NEK10: variants seen among roughly 807,000 people sequenced by gnomAD.
NEK10 encodes NIMA related kinase 10.
In NEK10, 122 loss-of-function variants were observed where a neutral mutation model predicts 159.8. That is an observed-to-expected ratio of 0.76 (90% CI 0.66 to 0.89). NEK10 has a LOEUF of 0.89. Ranked by LOEUF, NEK10 falls within the 40% of genes least tolerant of loss-of-function variation. NEK10 has a pLI of 0.00. For synonymous variants in NEK10, 466 were observed against 457.1 expected (o/e 1.02, Z -0.25); for missense variants, 1,342 against 1,323.1 (o/e 1.01, Z -0.22).
intron 30 of NEK10, among the ~76,000 whole-genome samples, chr3:27,147,651 T>C (rs895046883): frequency 3.9e-5 from 6 of 152,208 alleles, no homozygotes; most frequent in Admixed American, 1.3e-4. Flanking sequence ...TAATGGGTAA[T>C]GTCACAGTAT....
intron 25 of NEK10, among the ~76,000 whole-genome samples, chr3:27,192,958 A>G (rs923532313): frequency 6.6e-6 from 1 of 152,168 alleles, no homozygotes; most frequent in Admixed American, 6.5e-5. Flanking sequence ...TTAAAACCTC[A>G]TTTACCATTT....
chr3:27,280,287 G>A (rs778808527), intron 22 of NEK10, among the ~76,000 whole-genome samples: 1 of 145,272 alleles, frequency 6.9e-6, no homozygotes, highest in Non-Finnish European at 1.5e-5. Context: ...TGCATCTGAG[G>A]AGGAAGGCTT....
intron 30 of NEK10, chr3:27,162,309 G>A (rs1162862059): frequency 2.4e-5 from 32 of 1,343,382 alleles, no homozygotes; most frequent in Admixed American, 1.5e-4. Flanking sequence ...CCATCAAATC[G>A]CCAAACTAAT....
At chr3:27,324,431 C>T (rs1462866616) in intron 5 of NEK10, among the ~76,000 whole-genome samples, 1 of 152,182 alleles carries the variant, frequency 6.6e-6, no homozygotes, top group Admixed American at 6.5e-5. Flanking sequence ...TGAACTCCCC[C>T]TCAAGCCTGA....
At chr3:27,200,904 C>A (rs1454489975) in intron 25 of NEK10, among the ~76,000 whole-genome samples, 2 of 152,068 alleles carry the variant, frequency 1.3e-5, no homozygotes, top group African/African-American at 4.8e-5. Context: ...TAGTGGGAAG[C>A]ACCATGTGGC....
chr3:27,227,509 C>A (rs1449614225), intron 23 of NEK10, among the ~76,000 whole-genome samples: 1 of 152,162 alleles, frequency 6.6e-6, no homozygotes, highest in Non-Finnish European at 1.5e-5. Flanking sequence ...CCTCAGACAT[C>A]GGGCACATAT....
At chr3:27,138,367 A>C (rs562408831) in intron 31 of NEK10, among the ~76,000 whole-genome samples, 1 of 152,262 alleles carries the variant, frequency 6.6e-6, no homozygotes, top group South Asian at 2.1e-4. Context: ...CTTCGCTTCA[A>C]GTTTCTCCAG....
In NEK10 at chr3:27,229,336, A is replaced by G. The variant is rs540747766; in HGVS notation, c.2091-26779T>C. 3.3e-5 allele frequency among the ~76,000 whole-genome samples: 5 copies of G among 152,350 alleles called. No homozygotes were observed. The South Asian group carries it at 1.0e-3, about 32-fold the overall frequency. ...TAAACATTAAAGTCTGATCCTTAAAAGGAAAAATAGGAACTCATTGAAAAA... is the reference window on the plus strand; with the variant it reads ...TAAACATTAAAGTCTGATCCTTAAAGGGAAAAATAGGAACTCATTGAAAAA... On this transcript the variant is annotated intron_variant, in intron 23 of 35. Coordinates refer to ENST00000691995, the MANE Select transcript of NEK10 (RefSeq NM_001394966.1).
At chr3:27,331,262 A>AAAAAAAAAACACAC in intron 5 of NEK10, among the ~76,000 whole-genome samples, 4 of 110,078 alleles carry the variant, frequency 3.6e-5, no homozygotes, top group African/African-American at 1.2e-4. Context: ...AAAAAAAAAA[A>AAAAAAAAAACACAC]ACACACAAAC....
chr3:27,249,352 T>A (rs1955423416), intron 23 of NEK10, among the ~76,000 whole-genome samples: 1 of 152,022 alleles, frequency 6.6e-6, no homozygotes, highest in South Asian at 2.1e-4. Flanking sequence ...TTTTTGTCCA[T>A]CTCTCTTTCT....
Position 27,286,079 on chromosome 3 carries a change from C to CTTTTTTTTTTTT in NEK10, c.1790-1130_1790-1119dup, listed in dbSNP as rs35663067. Among the ~76,000 whole-genome samples, 21 of 57,706 alleles carry CTTTTTTTTTTTT rather than the reference C, an allele frequency of 3.6e-4. 1 individual carries two copies. The highest frequency in any genetic ancestry group is 8.5e-4 in the African/African-American group (11 of 12,900). The allele number at this position is 57,706 out of a possible 152,430, so 37.9% of individuals were successfully genotyped here. A position where few individuals can be genotyped will look rare whatever the true frequency, so the allele number is the denominator to read the frequency against. On this transcript the variant is annotated intron_variant, in intron 20 of 35. Coordinates refer to ENST00000691995, the MANE Select transcript of NEK10 (RefSeq NM_001394966.1). ...ATGTATTTTTAAGCCATTTCCAATT[C>CTTTTTTTTTTTT]TTTTTTTTTTTTTTTTTTTTTTTTG...
intron 26 of NEK10, among the ~76,000 whole-genome samples, chr3:27,183,035 C>A (rs1948275574): frequency 6.6e-6 from 1 of 151,872 alleles, no homozygotes; most frequent in East Asian, 1.9e-4. Context: ...CTATAGCTAA[C>A]AATAATTTAT....
intron 23 of NEK10, among the ~76,000 whole-genome samples, chr3:27,240,654 CTT>C (rs5847451): frequency 7.8e-5 from 11 of 141,436 alleles, no homozygotes; most frequent in Admixed American, 1.4e-4. Context: ...ACTATCTCAT[CTT>C]TTTTTTTTTT....
At chr3:27,163,316 C>T (rs1378346877) in intron 29 of NEK10, among the ~76,000 whole-genome samples, 2 of 151,872 alleles carry the variant, frequency 1.3e-5, no homozygotes, top group Admixed American at 6.6e-5. Context: ...CTGTAAATCA[C>T]CTTCAGCCTT....
At chr3:27,196,204 T>C (rs879674225) in intron 25 of NEK10, among the ~76,000 whole-genome samples, 29 of 152,344 alleles carry the variant, frequency 1.9e-4, no homozygotes, top group African/African-American at 6.7e-4. Flanking sequence ...TGTTCTGCTC[T>C]GTTCTGATTA....
chr3:27,232,575 A>G (rs1953420933), intron 23 of NEK10, among the ~76,000 whole-genome samples: 1 of 152,072 alleles, frequency 6.6e-6, no homozygotes, highest in African/African-American at 2.4e-5. Context: ...TAAAATTCAT[A>G]TGGAACAAAA....
intron 1 of NEK10, among the ~76,000 whole-genome samples, chr3:27,357,186 G>A (rs919656296): frequency 2.6e-5 from 4 of 152,074 alleles, no homozygotes; most frequent in African/African-American, 9.7e-5. Context: ...TGTTGCAATT[G>A]CCTTATTACC....
chr3:27,344,753 A>G (rs748190875), intron 4 of NEK10, among the ~76,000 whole-genome samples: 7 of 152,208 alleles, frequency 4.6e-5, no homozygotes, highest in Non-Finnish European at 8.8e-5. Flanking sequence ...TAACAGGAAG[A>G]GAAGAATTCC....
intron 14 of NEK10, 102 bp from the exon 15 acceptor site, chr3:27,295,792 A>G: frequency 7.3e-7 from 1 of 1,375,164 alleles, no homozygotes; most frequent in Non-Finnish European, 9.5e-7. Context: ...CAAAGAAGAA[A>G]TATTAGTATA....
Sources: gnomAD v4.1 joint callset for allele counts (sites outside exome capture counted in the v4.1 genomes callset) on GRCh38, gnomAD v4.1.1 for gene constraint, MANE v1.5 for transcripts, NCBI Gene and HGNC (gene_info 2026-07-23, HGNC 2026-07-21) for gene names.